GALK2: variants seen among roughly 807,000 people sequenced by gnomAD.
GALK2 encodes the protein galactokinase 2.
A neutral mutation model predicts 52.4 loss-of-function variants in GALK2; 36 were observed. The ratio of observed to expected loss-of-function variants is 0.69; its 90% CI spans 0.53 to 0.91. The LOEUF (loss-of-function observed/expected upper bound fraction) is 0.91, where lower values mean the gene tolerates loss of function less well. Ranked by LOEUF, GALK2 falls within the 40% of genes least tolerant of loss-of-function variation. GALK2 has a pLI of 0.00. For missense variants in GALK2, 579 were observed against 559.1 expected (o/e 1.04, Z -0.36); for synonymous variants, 176 against 199.1 (o/e 0.88, Z 0.98).
rs1335766536 is a variant in GALK2, at chr15:49,253,382, C to A, written c.504+14015C>A. Among the ~76,000 whole-genome samples the A allele has an allele frequency of 7.6e-5, 11 of 144,188 alleles. 2 individuals carry two copies. Among genetic ancestry groups the A allele is most frequent in the Non-Finnish European group, 1.6e-4 (10 of 64,180 alleles). 94.6% of individuals were successfully genotyped at this position (144,188 alleles called of 152,430 possible). A position where few individuals can be genotyped will look rare whatever the true frequency, so the allele number is the denominator to read the frequency against. On this transcript the variant is annotated intron_variant, in intron 5 of 9. Transcript: ENST00000560031. Reference sequence around the variant, plus strand: ...ATCTTTAGACGCTTACTCAGAGGAACCAAAACTGTGACTGATTTGCATTGT... The same window carrying A: ...ATCTTTAGACGCTTACTCAGAGGAAACAAAACTGTGACTGATTTGCATTGT...
At chr15:49,250,395 A>T (rs891967432) in intron 5 of GALK2, among the ~76,000 whole-genome samples, 4 of 152,202 alleles carry the variant, frequency 2.6e-5, no homozygotes, top group Non-Finnish European at 2.9e-5. Flanking sequence ...AGAGTAAAAG[A>T]TGTCTTTTTA....
At chr15:49,300,298 C>T (rs960704323) in intron 8 of GALK2, among the ~76,000 whole-genome samples, 1 of 151,918 alleles carries the variant, frequency 6.6e-6, no homozygotes, top group Non-Finnish European at 1.5e-5. Flanking sequence ...ATAGATCTTT[C>T]TCCATCCCTT....
At chr15:49,222,002 C>G (rs995909889) in intron 3 of GALK2, among the ~76,000 whole-genome samples, 3 of 152,106 alleles carry the variant, frequency 2.0e-5, no homozygotes, top group Non-Finnish European at 4.4e-5. Flanking sequence ...GCAGTATGTT[C>G]ATTTTAACAA....
At chr15:49,264,220 A>G (rs1403503359) in intron 5 of GALK2, among the ~76,000 whole-genome samples, 1 of 151,658 alleles carries the variant, frequency 6.6e-6, no homozygotes, top group Non-Finnish European at 1.5e-5. Context: ...TCAGACGTAG[A>G]TTTGGTCTTT....
intron 5 of GALK2, among the ~76,000 whole-genome samples, chr15:49,276,445 T>C (rs2031676403): frequency 6.6e-6 from 1 of 152,228 alleles, no homozygotes. Flanking sequence ...TAGCTTCCAG[T>C]ATGCTTCTTT....
intron 2 of GALK2, among the ~76,000 whole-genome samples, chr15:49,210,124 G>T (rs2088700082): frequency 6.6e-6 from 1 of 152,120 alleles, no homozygotes; most frequent in African/African-American, 2.4e-5. Flanking sequence ...TGGCATAATA[G>T]TTGTTCACAA....
intron 5 of GALK2, among the ~76,000 whole-genome samples, chr15:49,273,777 T>C (rs1054952154): frequency 2.0e-5 from 3 of 152,164 alleles, no homozygotes; most frequent in African/African-American, 7.2e-5. Context: ...TTTTGAAAGT[T>C]AGGGTGGAGA....
chr15:49,273,427 T>C (rs1202950595), intron 5 of GALK2, among the ~76,000 whole-genome samples: 1 of 152,180 alleles, frequency 6.6e-6, no homozygotes, highest in Non-Finnish European at 1.5e-5. Flanking sequence ...GAATTGGCTG[T>C]CTTTGTCCTC....
At position 49,322,889 on chromosome 15, in the gene GALK2, A is replaced by G. The variant is rs562018177; in HGVS notation, c.1169+3084A>G. On this transcript the variant is annotated intron_variant, in intron 9 of 9. Coordinates refer to ENST00000560031, the MANE Select transcript of GALK2 (RefSeq NM_002044.4). The stretch of plus-strand genomic sequence containing the variant: ...GGAGAATGGCGTGAACCCGGGAGGC[A>G]GAGCTTGCAGTGAGCCGAGATCGCA... Among the ~76,000 whole-genome samples the G allele has an allele frequency of 1.7e-4, 25 of 151,152 alleles. No homozygotes were observed. In the South Asian group the frequency reaches 4.2e-3, roughly 25 times the overall value.
chr15:49,300,903 G>A (rs1279480383), intron 8 of GALK2, among the ~76,000 whole-genome samples: 1 of 152,170 alleles, frequency 6.6e-6, no homozygotes, highest in Non-Finnish European at 1.5e-5. Flanking sequence ...GACTAATACA[G>A]TAGTGTTGGT....
At chr15:49,346,188 C>G (rs1421519186) in intron 3 of GALK2, among the ~76,000 whole-genome samples, 1 of 152,122 alleles carries the variant, frequency 6.6e-6, no homozygotes, top group Admixed American at 6.5e-5. Context: ...GAAACTTGGG[C>G]CAGCTCCTGT....
intron 8 of GALK2, among the ~76,000 whole-genome samples, chr15:49,297,361 T>A (rs911352845): frequency 6.6e-6 from 1 of 152,170 alleles, no homozygotes; most frequent in Non-Finnish European, 1.5e-5. Flanking sequence ...TTGCAAAAAT[T>A]TTATCCTATC....
At position 49,364,014 on chromosome 15, in the gene GALK2, C is replaced by A. The variant is rs560581517; in HGVS notation, c.427-3477C>A. On this transcript the variant is annotated intron_variant, in intron 3 of 3. Transcript: ENST00000558399. ...TTTTGACATGCTGCTGGATTCCGTT[C>A]GCTAGTATTTTGTTGAGAATTTTTG... Among the ~76,000 whole-genome samples the A allele has an allele frequency of 3.3e-5, 5 of 152,088 alleles. No individual in the cohort carries two copies. The East Asian group carries it at 9.6e-4, about 29-fold the overall frequency.
At chr15:49,299,774 T>TC (rs1567037683) in intron 8 of GALK2, among the ~76,000 whole-genome samples, 135 of 143,360 alleles carry the variant, frequency 9.4e-4, no homozygotes, top group African/African-American at 1.9e-3. Flanking sequence ...TTTCTTTCTT[T>TC]CTTTCTTTCT....
At chr15:49,219,776 G>A (rs949875467) in intron 3 of GALK2, among the ~76,000 whole-genome samples, 8 of 152,084 alleles carry the variant, frequency 5.3e-5, no homozygotes, top group East Asian at 1.9e-4. Context: ...GCGCCACTGC[G>A]CTCCAGCCAG....
chr15:49,354,432 G>C (rs2151328619), intron 3 of GALK2, among the ~76,000 whole-genome samples: 1 of 152,364 alleles, frequency 6.6e-6, no homozygotes, highest in East Asian at 1.9e-4. Context: ...TGCCTCACTT[G>C]GGAAGCGCAA....
At chr15:49,244,274 A>G (rs2091242854) in intron 5 of GALK2, among the ~76,000 whole-genome samples, 1 of 151,844 alleles carries the variant, frequency 6.6e-6, no homozygotes, top group Non-Finnish European at 1.5e-5. Context: ...ATATTTCTCC[A>G]AAGTGAAAAT....
intron 3 of GALK2, among the ~76,000 whole-genome samples, chr15:49,338,952 T>C (rs2040241171): frequency 6.6e-6 from 1 of 152,226 alleles, no homozygotes; most frequent in Non-Finnish European, 1.5e-5. Context: ...TTCACGAAGT[T>C]CTCATGCTGT....
intron 1 of GALK2, among the ~76,000 whole-genome samples, chr15:49,181,266 C>T (rs1158208075): frequency 1.3e-5 from 2 of 151,602 alleles, no homozygotes; most frequent in East Asian, 1.9e-4. Context: ...TGCCATGGTG[C>T]CCAGCTAATT....
Sources: allele counts gnomAD v4.1 joint callset (sites outside exome capture counted in the v4.1 genomes callset), GRCh38; gene constraint gnomAD v4.1.1; transcripts MANE v1.5; gene names NCBI Gene and HGNC (gene_info 2026-07-23, HGNC 2026-07-21).